PAG1: variants seen among roughly 807,000 people sequenced by gnomAD.
The protein encoded by PAG1 is phosphoprotein membrane anchor with glycosphingolipid microdomains 1, also known as phosphoprotein associated with glycosphingolipid-enriched microdomains 1.
A neutral mutation model predicts 31.7 loss-of-function variants in PAG1; 23 were observed. The ratio of observed to expected loss-of-function variants is 0.73; its 90% CI spans 0.52 to 1.03. The LOEUF is 1.03. Among genes scored for constraint, PAG1 ranks in the 50% least tolerant of loss-of-function variants. PAG1 has a pLI of 0.00. For synonymous variants in PAG1, 214 were observed against 210.3 expected (o/e 1.02, Z -0.15); for missense variants, 473 against 540.7 (o/e 0.87, Z 1.24).
chr8:81,043,473 T>G (rs1808589110), intron 2 of PAG1, among the ~76,000 whole-genome samples: 1 of 152,226 alleles, frequency 6.6e-6, no homozygotes, highest in Non-Finnish European at 1.5e-5. Flanking sequence ...GTTCAACAGT[T>G]TCATTGTGTT....
chr8:80,998,302 G>T (rs565449057), intron 3 of PAG1, among the ~76,000 whole-genome samples: 1 of 151,880 alleles, frequency 6.6e-6, no homozygotes, highest in Non-Finnish European at 1.5e-5. Flanking sequence ...GCTAATTTTT[G>T]TATTTTTAGT....
chr8:81,064,337 G>C (rs1808968657), intron 2 of PAG1, among the ~76,000 whole-genome samples: 1 of 152,114 alleles, frequency 6.6e-6, no homozygotes, highest in African/African-American at 2.4e-5. Flanking sequence ...CCATTGATCT[G>C]ACAGGAGGCT....
intron 1 of PAG1, among the ~76,000 whole-genome samples, chr8:81,105,785 G>C (rs1809684383): frequency 6.6e-6 from 1 of 152,178 alleles, no homozygotes; most frequent in African/African-American, 2.4e-5. Flanking sequence ...CGAGATGCCT[G>C]AGAACTTATC....
intron 1 of PAG1, among the ~76,000 whole-genome samples, chr8:81,074,491 G>T (rs886164664): frequency 5.9e-5 from 9 of 152,206 alleles, no homozygotes; most frequent in Non-Finnish European, 1.0e-4. Flanking sequence ...GCCACAAATG[G>T]TTGGAGTTAA....
At chr8:81,047,385 G>C (rs1457428456) in intron 2 of PAG1, among the ~76,000 whole-genome samples, 3 of 152,232 alleles carry the variant, frequency 2.0e-5, no homozygotes, top group South Asian at 2.1e-4. Context: ...CAGCCATTCT[G>C]ACTGATGTGA....
At chr8:81,048,444 T>C (rs1040962952) in intron 2 of PAG1, among the ~76,000 whole-genome samples, 2 of 151,938 alleles carry the variant, frequency 1.3e-5, no homozygotes, top group African/African-American at 4.8e-5. Flanking sequence ...CTGCAGGGAG[T>C]AGGGCTACCA....
intron 3 of PAG1, among the ~76,000 whole-genome samples, chr8:81,003,564 C>T (rs771894737): frequency 1.3e-5 from 2 of 152,142 alleles, no homozygotes; most frequent in Non-Finnish European, 2.9e-5. Context: ...ATTGCTGCTA[C>T]GTAGAAGTAC....
At chr8:81,110,395 T>C (rs1014906650) in intron 1 of PAG1, among the ~76,000 whole-genome samples, 6 of 152,230 alleles carry the variant, frequency 3.9e-5, no homozygotes, top group Admixed American at 3.3e-4. Context: ...CTATTCCTTT[T>C]ACAAGTTTAA....
chr8:81,011,416 C>A (rs1374885049), intron 3 of PAG1, among the ~76,000 whole-genome samples: 1 of 152,156 alleles, frequency 6.6e-6, no homozygotes, highest in African/African-American at 2.4e-5. Flanking sequence ...CTCTTGCCTG[C>A]CGCCATGTAA....
At chr8:80,976,983 C>T in intron 8 of PAG1, 77 bp from the exon 9 acceptor site, 1 of 1,349,144 alleles carries the variant, frequency 7.4e-7, no homozygotes, top group Non-Finnish European at 1.0e-6. Context: ...AAGCTACATA[C>T]TGAGCACTCC....
At chr8:81,091,554 T>C (rs1048708299) in intron 1 of PAG1, among the ~76,000 whole-genome samples, 3 of 152,182 alleles carry the variant, frequency 2.0e-5, no homozygotes, top group African/African-American at 7.2e-5. Flanking sequence ...AGCATGTTAC[T>C]GTACTGAATA....
intron 2 of PAG1, among the ~76,000 whole-genome samples, chr8:81,052,004 C>A (rs887142917): frequency 2.6e-4 from 39 of 151,864 alleles, no homozygotes; most frequent in Admixed American, 2.4e-3. Context: ...GTGGTGGGCG[C>A]CTGTAGTCCC....
At chr8:81,092,189 CAAAAAA>C (rs58417714) in intron 1 of PAG1, among the ~76,000 whole-genome samples, 2 of 71,402 alleles carry the variant, frequency 2.8e-5, no homozygotes, top group Non-Finnish European at 5.1e-5. Flanking sequence ...CACATCTCTG[CAAAAAA>C]AAAAAAAAAA....
intron 2 of PAG1, among the ~76,000 whole-genome samples, chr8:81,051,362 A>T (rs1165082181): frequency 1.3e-5 from 2 of 152,248 alleles, no homozygotes; most frequent in Non-Finnish European, 2.9e-5. Flanking sequence ...ATAAATTTCT[A>T]TAGAATGGCA....
chr8:81,100,052 A>G (rs1393147900), intron 1 of PAG1, among the ~76,000 whole-genome samples: 2 of 152,226 alleles, frequency 1.3e-5, no homozygotes, highest in African/African-American at 2.4e-5. Flanking sequence ...TTACCCACAA[A>G]TGACTGATAT....
intron 2 of PAG1, among the ~76,000 whole-genome samples, chr8:81,063,740 A>G (rs938534751): frequency 2.2e-4 from 34 of 152,310 alleles, no homozygotes; most frequent in African/African-American, 7.9e-4. Flanking sequence ...GGAGGCAGAC[A>G]AGTCCCTCTT....
At chr8:81,044,881 C>T (rs1173164332) in intron 2 of PAG1, among the ~76,000 whole-genome samples, 1 of 152,206 alleles carries the variant, frequency 6.6e-6, no homozygotes, top group Non-Finnish European at 1.5e-5. Flanking sequence ...TGCAGCTCCA[C>T]CTTCTCCATG....
intron 1 of PAG1, among the ~76,000 whole-genome samples, chr8:81,110,464 C>A (rs1809756326): frequency 6.6e-6 from 1 of 152,154 alleles, no homozygotes. Context: ...AAAGGAATCT[C>A]TCGGGAACAG....
At chr8:81,078,885 G>A (rs746345305) in intron 1 of PAG1, among the ~76,000 whole-genome samples, 2 of 152,072 alleles carry the variant, frequency 1.3e-5, no homozygotes, top group Admixed American at 6.6e-5. Context: ...AACTAAAAAC[G>A]CACAATCTGG....
Sources: gnomAD v4.1 joint callset for allele counts (sites outside exome capture counted in the v4.1 genomes callset) on GRCh38, gnomAD v4.1.1 for gene constraint, MANE v1.5 for transcripts, NCBI Gene and HGNC (gene_info 2026-07-23, HGNC 2026-07-21) for gene names.